Variants in SLC23A2 observed in about 807,000 individuals in gnomAD.
SLC23A2 encodes the protein Na(+)/L-ascorbic acid transporter 2.
SLC23A2 carries 36 observed loss-of-function variants against 73.3 expected under a neutral mutation model. The observed-to-expected ratio is 0.49, with a 90% confidence interval of 0.38 to 0.65. SLC23A2 has a LOEUF of 0.65. Among genes scored for constraint, SLC23A2 ranks in the 30% least tolerant of loss-of-function variants. The probability of loss-of-function intolerance (pLI) is 0.00; values close to 1 mark genes in which losing one functional copy is unlikely to be tolerated. For missense variants in SLC23A2, 507 were observed against 841.6 expected (o/e 0.60, Z 4.92); for synonymous variants, 343 against 327.3 (o/e 1.05, Z -0.52).
intron 9 of SLC23A2, among the ~76,000 whole-genome samples, chr20:4,875,001 C>T (rs1294523292): frequency 6.6e-6 from 1 of 152,152 alleles, no homozygotes; most frequent in Non-Finnish European, 1.5e-5. Context: ...AAAGAATGTA[C>T]ACATTGATGG....
rs72552219 is a variant in SLC23A2 at position 4,862,946 on chromosome 20, C to G, written c.1357-39G>C. 13,405 of 1,587,926 alleles carry G rather than the reference C, an allele frequency of 8.4e-3. 955 individuals are homozygous for G. The African/African-American group carries it at 0.15, about 18-fold the overall frequency. ...AGGAGACTGGGAAACAGGGACTCAT[C>G]TCCATGCAAAATCACCGTAAGTTAC... On this transcript the variant is annotated intron_variant, in intron 13 of 16. Transcript: ENST00000338244. This position sits in a 1 kb window ranked among gnomAD's most constrained non-coding sequence, Gnocchi z 5.1.
upstream of SLC23A2, among the ~76,000 whole-genome samples, chr20:5,002,782 A>T (rs1306103968): frequency 6.6e-6 from 1 of 152,154 alleles, no homozygotes; most frequent in Non-Finnish European, 1.5e-5. Context: ...CCCAGGCTGG[A>T]GTGCAACGGC....
rs571151399 is a variant in SLC23A2, at chr20:4,965,934, T to C, written c.-155+4859A>G. On this transcript the variant is annotated intron_variant, in intron 2 of 16. Transcript: ENST00000338244. Reference sequence around the variant, plus strand: ...GTGACCCAAGATTGTGCCACTGCACTCCACCCTGGGTGACTGAGTGAGACT... The same window carrying C: ...GTGACCCAAGATTGTGCCACTGCACCCCACCCTGGGTGACTGAGTGAGACT... Among the ~76,000 whole-genome samples the C allele has an allele frequency of 5.2e-5, 7 of 133,734 alleles. No homozygotes were observed. The South Asian group carries it at 1.6e-3, about 31-fold the overall frequency. 87.7% of individuals were successfully genotyped at this position (133,734 alleles called of 152,430 possible).
chr20:4,892,870 G>A (rs1931380019), intron 6 of SLC23A2, among the ~76,000 whole-genome samples: 1 of 152,072 alleles, frequency 6.6e-6, no homozygotes, highest in African/African-American at 2.4e-5. Context: ...ACACGAAGGA[G>A]ACTGGTTTAG....
intron 3 of SLC23A2, among the ~76,000 whole-genome samples, chr20:4,916,655 C>T (rs964574562): frequency 3.3e-5 from 5 of 152,158 alleles, no homozygotes; most frequent in African/African-American, 9.7e-5. Flanking sequence ...CTTATACATA[C>T]ACAAATAAGT....
rs759168910 is a variant in SLC23A2, at chr20:4,874,091, A to T, written c.947T>A (p.Ile316Asn). Residue 316 changes from isoleucine (I) to asparagine (N), a missense_variant and splice_region_variant, in exon 11 of 17, where the codon ATC becomes AAC. Around this residue, in one of 5 missense-constraint regions of SLC23A2, gnomAD observed 217 missense variants for 398.0 expected, o/e 0.55. Coordinates refer to ENST00000338244, the MANE Select transcript of SLC23A2 (RefSeq NM_005116.6). ...YKLQLFKMFP[I>N]ILAILVSWLL... ...CCAGGATACCAGGATGGCCAGGATG[A>T]TCTGGAGTGGTCAAGGGGAAGCTCT... is the stretch of plus-strand genomic sequence containing the variant. The T allele has an allele frequency of 6.2e-7, 1 of 1,612,898 alleles. No homozygotes were observed. Among genetic ancestry groups the T allele is most frequent in the East Asian group, 2.2e-5 (1 of 44,872 alleles).
intron 2 of SLC23A2, among the ~76,000 whole-genome samples, chr20:4,956,208 T>C (rs2087285899): frequency 6.6e-6 from 1 of 152,242 alleles, no homozygotes; most frequent in African/African-American, 2.4e-5. Context: ...AATTCCACAT[T>C]TGGAATCATC....
At chr20:4,969,332 G>A (rs1387473868) in intron 2 of SLC23A2, among the ~76,000 whole-genome samples, 1 of 151,440 alleles carries the variant, frequency 6.6e-6, no homozygotes, top group Non-Finnish European at 1.5e-5. Context: ...CAGGTGATCC[G>A]CCCGCCTCAG....
chr20:4,893,603 G>T (rs1931409995), intron 6 of SLC23A2, among the ~76,000 whole-genome samples: 1 of 152,016 alleles, frequency 6.6e-6, no homozygotes, highest in Admixed American at 6.6e-5. Context: ...TTCCATTACG[G>T]GCCCCAGGAA....
Position 4,874,583 on chromosome 20 carries a change from AT to A in SLC23A2, c.937del (p.Met313CysfsTer20). 6.3e-7 allele frequency: 1 copy of A among 1,596,386 alleles called. No individual in the cohort carries two copies. Among genetic ancestry groups the A allele is most frequent in the Non-Finnish European group, 8.5e-7 (1 of 1,173,144 alleles). On this transcript the variant is annotated frameshift_variant, in exon 10 of 17. Coordinates refer to ENST00000338244, the MANE Select transcript of SLC23A2 (RefSeq NM_005116.6). LOFTEE classifies it high-confidence loss of function. ...WTAYKLQLFK[M>X]FPIILAILVS... ...AAGAAGTCAGCTACTCACAGGGAAC[AT>A]TTTGAACAGCTGTAACTTGTACGCA...
intron 1 of SLC23A2, among the ~76,000 whole-genome samples, chr20:4,999,043 G>A (rs1007963634): frequency 3.3e-5 from 5 of 152,102 alleles, no homozygotes; most frequent in African/African-American, 4.8e-5. Flanking sequence ...GAGCTCAAGC[G>A]ACCTGCCCGC....
At chr20:4,972,572 T>TGG (rs11480214) in intron 1 of SLC23A2, among the ~76,000 whole-genome samples, 5 of 147,210 alleles carry the variant, frequency 3.4e-5, no homozygotes, top group South Asian at 2.1e-4. Flanking sequence ...GGGGGTTTTT[T>TGG]GGGGTTTTTT....
chr20:4,931,246 G>A (rs1164789104), intron 3 of SLC23A2, among the ~76,000 whole-genome samples: 1 of 151,992 alleles, frequency 6.6e-6, no homozygotes, highest in East Asian at 1.9e-4. Context: ...TTGGGAGGCT[G>A]TGGTGGGAGG....
chr20:4,965,112 A>C (rs1241039184), intron 2 of SLC23A2, among the ~76,000 whole-genome samples: 1 of 152,160 alleles, frequency 6.6e-6, no homozygotes, highest in African/African-American at 2.4e-5. Context: ...CTGGCAGTCA[A>C]CACCAGTGCT....
intron 2 of SLC23A2, among the ~76,000 whole-genome samples, chr20:4,935,118 C>T (rs138729307): frequency 0.022 from 2,894 of 134,538 alleles, 105 homozygotes; most frequent in African/African-American, 0.074. Flanking sequence ...ACCCAGGAGG[C>T]GGAGTTTGCA....
At chr20:5,008,499 G>A (rs1568667585) in intron 1 of SLC23A2, among the ~76,000 whole-genome samples, 1 of 152,118 alleles carries the variant, frequency 6.6e-6, no homozygotes, top group Non-Finnish European at 1.5e-5. Flanking sequence ...CTGAAGCCCA[G>A]CTAATGGAAG....
rs147513212 is a variant in SLC23A2 at position 4,902,900 on chromosome 20, C to T, written c.208-342G>A. Among the ~76,000 whole-genome samples the T allele has an allele frequency of 2.7e-4, 41 of 152,088 alleles. No homozygotes were observed. The highest frequency in any genetic ancestry group is 8.9e-4 in the African/African-American group (37 of 41,472). ...GAGACCACAAAATGATACCTTGGCA[C>T]GAGCAGTCCTTGCGTGAGACCCCAG... On this transcript the variant is annotated intron_variant, in intron 4 of 16. Coordinates refer to ENST00000338244, the MANE Select transcript of SLC23A2 (RefSeq NM_005116.6). The surrounding 1 kb of genome is among the most constrained non-coding windows in gnomAD (Gnocchi z 4.0).
chr20:4,939,953 C>T (rs2122959775), intron 2 of SLC23A2, among the ~76,000 whole-genome samples: 1 of 152,228 alleles, frequency 6.6e-6, no homozygotes, highest in South Asian at 2.1e-4. Flanking sequence ...ACATAATCTA[C>T]ACAGATTTAA....
chr20:5,008,425 G>T (rs1198914316), intron 1 of SLC23A2, among the ~76,000 whole-genome samples: 1 of 152,114 alleles, frequency 6.6e-6, no homozygotes, highest in African/African-American at 2.4e-5. Context: ...TGCCCAAGGG[G>T]CTCAAAGAAG....
Sources: allele counts gnomAD v4.1 joint callset (sites outside exome capture counted in the v4.1 genomes callset), GRCh38; gene constraint gnomAD v4.1.1; regional missense constraint gnomAD v4.1.1; non-coding constraint Gnocchi (gnomAD v3.1); transcripts MANE v1.5; gene names NCBI Gene and HGNC (gene_info 2026-07-23, HGNC 2026-07-21).